Variants in CATSPERB observed in about 807,000 individuals in gnomAD.
CATSPERB encodes cation channel sperm-associated auxiliary subunit beta.
Under a neutral mutation model 128.3 loss-of-function variants are expected in CATSPERB, and 93 were observed. That is an observed-to-expected ratio of 0.72 (90% CI 0.61 to 0.86). The LOEUF (loss-of-function observed/expected upper bound fraction) is 0.86. CATSPERB is among the 40% of genes least tolerant of loss of function. The pLI is 0.00. For missense variants in CATSPERB, 1,153 were observed against 1,329.5 expected (o/e 0.87, Z 2.06); for synonymous variants, 381 against 448.8 (o/e 0.85, Z 1.91).
intron 22 of CATSPERB, chr14:91,604,733 C>A (rs1211081023): frequency 1.2e-6 from 2 of 1,613,710 alleles, no homozygotes; most frequent in Non-Finnish European, 1.7e-6. Context: ...CTGGTTGCTC[C>A]ACATTGGAAA....
intron 17 of CATSPERB, among the ~76,000 whole-genome samples, chr14:91,631,856 G>A (rs951045262): frequency 6.6e-6 from 1 of 151,932 alleles, no homozygotes; most frequent in African/African-American, 2.4e-5. Context: ...ATATGGAATG[G>A]GAAAGAGATA....
intron 10 of CATSPERB, among the ~76,000 whole-genome samples, chr14:91,690,827 G>A (rs528101959): frequency 1.3e-5 from 2 of 152,362 alleles, no homozygotes; most frequent in South Asian, 4.1e-4. Flanking sequence ...AGTGCCTGGC[G>A]AGGGCCACCT....
intron 15 of CATSPERB, among the ~76,000 whole-genome samples, chr14:91,657,405 C>T (rs1180552357): frequency 6.7e-6 from 1 of 150,088 alleles, no homozygotes; most frequent in Non-Finnish European, 1.5e-5. Flanking sequence ...TAAAAAAAAA[C>T]TATAAAACGA....
rs1893318117 is a variant in CATSPERB, at chr14:91,587,194, C to G, written c.3132+8G>C. ...TCACCCCTCTGATGCCAAGTGCATC[C>G]ATTTTACCTGAAATTCTTCAATTAA... On this transcript the variant is annotated splice_region_variant and intron_variant, in intron 26 of 26. Coordinates refer to ENST00000256343, the MANE Select transcript of CATSPERB (RefSeq NM_024764.4). 1.3e-6 allele frequency: 2 copies of G among 1,594,200 alleles called. No individual in the cohort carries two copies. The highest frequency in any genetic ancestry group is 4.6e-5 in the East Asian group (2 of 43,684).
intron 22 of CATSPERB, chr14:91,605,259 C>G: frequency 3.1e-6 from 4 of 1,293,914 alleles, no homozygotes; most frequent in Non-Finnish European, 4.5e-6. Context: ...AGTGAAGAGT[C>G]TTTACAGACG....
chr14:91,700,454 A>T (rs1895628173), intron 7 of CATSPERB, among the ~76,000 whole-genome samples: 1 of 152,082 alleles, frequency 6.6e-6, no homozygotes, highest in Non-Finnish European at 1.5e-5. Flanking sequence ...CTGCTCCTCA[A>T]TTTTTTGGGA....
chr14:91,709,733 T>C (rs1002119789), intron 5 of CATSPERB: 21 of 150,670 alleles, frequency 1.4e-4, no homozygotes, highest in African/African-American at 4.9e-4. Flanking sequence ...GCCCTGAAGA[T>C]CCACAGGTCT....
chr14:91,701,750 G>A (rs1374642511), intron 7 of CATSPERB, among the ~76,000 whole-genome samples: 4 of 151,906 alleles, frequency 2.6e-5, no homozygotes, highest in African/African-American at 4.8e-5. Context: ...ACAAGGCCTC[G>A]CAAAGGAACT....
rs552504858 is a variant in CATSPERB at position 91,653,141 on chromosome 14, G to T, written c.1432+6696C>A. Among the ~76,000 whole-genome samples, 31 of 152,208 alleles carry T rather than the reference G, an allele frequency of 2.0e-4. 1 individual carries two copies. The South Asian group carries it at 6.4e-3, about 32-fold the overall frequency. On this transcript the variant is annotated intron_variant, in intron 15 of 26. Transcript: ENST00000256343. ...ATCAGAAACTTCGTCATTTAAAATC[G>T]TATCAGAGACTGAAGATCAGAAGAA...
Position 91,703,233 on chromosome 14 carries a change from A to G in CATSPERB, c.616+1319T>C, listed in dbSNP as rs543082945. Among the ~76,000 whole-genome samples the G allele has an allele frequency of 2.6e-5, 4 of 152,320 alleles. No individual in the cohort carries two copies. In the East Asian group the frequency reaches 7.7e-4, roughly 29 times the overall value. On this transcript the variant is annotated intron_variant, in intron 7 of 26. Coordinates refer to ENST00000256343, the MANE Select transcript of CATSPERB (RefSeq NM_024764.4). ...CAATAATTAAAATAATACTATTAGT[A>G]GTTGAAATGTGTAATGACATTGTGA... is the stretch of plus-strand genomic sequence containing the variant.
chr14:91,685,697 A>G (rs1039234704), intron 10 of CATSPERB, among the ~76,000 whole-genome samples: 1 of 152,178 alleles, frequency 6.6e-6, no homozygotes, highest in Non-Finnish European at 1.5e-5. Context: ...GAAATTCTCT[A>G]AGTGAAATAG....
chr14:91,608,395 T>C lies in CATSPERB; in HGVS notation c.2608A>G (p.Arg870Gly). The C allele has an allele frequency of 6.3e-7, 1 of 1,574,922 alleles. No homozygotes were observed. Among genetic ancestry groups the C allele is most frequent in the Non-Finnish European group, 8.7e-7 (1 of 1,145,234 alleles). Reference protein sequence around the residue: ...NLIKTLPINYRPPSNMGIAIP... With the variant: ...NLIKTLPINYGPPSNMGIAIP... ...GCAATTCCCATATTAGATGGAGGCC[T>C]GTAGTTTATCTGCAAGTGATTAAAC... The change falls in exon 22 of 27, where the codon AGG becomes GGG. Residue 870 changes from arginine (R) to glycine (G), a missense_variant. Transcript: ENST00000256343.
In CATSPERB at chr14:91,659,970, T is replaced by C. The variant is rs1369352261; in HGVS notation, c.1299A>G (p.Ser433=). The C allele has an allele frequency of 5.7e-6, 9 of 1,581,574 alleles. No homozygotes were observed. The highest frequency in any genetic ancestry group is 6.8e-6 in the Non-Finnish European group (8 of 1,170,084). ...LYAYGNQIWL[S]VDGGNTFQLI... The stretch of plus-strand genomic sequence containing the variant: ...ATTGAAAGGTGTTGCCGCCATCAAC[T>C]GAAAGCCATATCTAAAGGAATAAAG... Residue 433 remains serine (S), a synonymous_variant, in exon 15 of 27, where the codon TCA becomes TCG. Transcript: ENST00000256343.
chr14:91,672,779 A>G, intron 13 of CATSPERB, 88 bp downstream of exon 13: 1 of 1,090,132 alleles, frequency 9.2e-7, no homozygotes, highest in Non-Finnish European at 1.3e-6. Flanking sequence ...ATTGCCAGAC[A>G]TAACAAGAAC....
chr14:91,640,324 A>G (rs988145170), intron 15 of CATSPERB, among the ~76,000 whole-genome samples: 5 of 148,926 alleles, frequency 3.4e-5, no homozygotes, highest in Non-Finnish European at 7.4e-5. Flanking sequence ...TACATGTGCC[A>G]TGCTGGTGCA....
At chr14:91,668,007 C>T (rs983949707) in intron 14 of CATSPERB, among the ~76,000 whole-genome samples, 4 of 152,184 alleles carry the variant, frequency 2.6e-5, no homozygotes, top group South Asian at 2.1e-4. Context: ...CAACTTCTAC[C>T]GAGGACACCT....
At chr14:91,691,651 A>G in intron 9 of CATSPERB, 96 bp from the exon 10 acceptor site, 1 of 914,604 alleles carries the variant, frequency 1.1e-6, no homozygotes, top group Non-Finnish European at 1.7e-6. Flanking sequence ...TAAACCATAT[A>G]AATTCGTTGA....
chr14:91,608,158 G>A (rs908979498), intron 22 of CATSPERB, 136 bp downstream of exon 22: 4 of 583,254 alleles, frequency 6.9e-6, no homozygotes, highest in East Asian at 3.1e-5. Flanking sequence ...AAAGTAGAAG[G>A]AGGAGGAACA....
At chr14:91,618,607 C>T (rs1893987956) in intron 19 of CATSPERB, among the ~76,000 whole-genome samples, 1 of 152,180 alleles carries the variant, frequency 6.6e-6, no homozygotes, top group African/African-American at 2.4e-5. Flanking sequence ...AAAGGGCTGC[C>T]AGTTAATTGT....
Sources: allele counts gnomAD v4.1 joint callset (sites outside exome capture counted in the v4.1 genomes callset), GRCh38; gene constraint gnomAD v4.1.1; transcripts MANE v1.5; gene names NCBI Gene and HGNC (gene_info 2026-07-23, HGNC 2026-07-21).